The following KCNIP4 variants were observed in gnomAD, a reference collection of about 807,000 sequenced individuals.
KCNIP4 encodes Kv channel-interacting protein 4.
In KCNIP4, 12 loss-of-function variants were observed where a neutral mutation model predicts 34.0. That is an observed-to-expected ratio of 0.35 (90% CI 0.23 to 0.57). The LOEUF (loss-of-function observed/expected upper bound fraction) is 0.57. Among genes scored for constraint, KCNIP4 ranks in the 20% least tolerant of loss-of-function variants. KCNIP4 has a pLI of 0.83. For synonymous variants in KCNIP4, 124 were observed against 102.2 expected, an observed-to-expected ratio of 1.21 and a Z score of -1.29; for missense variants, 238 against 311.7, an observed-to-expected ratio of 0.76 and a Z score of 1.78.
chr4:21,654,558 G>T (rs2108976922), intron 1 of KCNIP4, among the ~76,000 whole-genome samples: 1 of 151,898 alleles, frequency 6.6e-6, no homozygotes, highest in East Asian at 1.9e-4. Flanking sequence ...AAAGGGCTGT[G>T]CCATCTTGTT....
chr4:21,449,867 C>A (rs1728367983), intron 1 of KCNIP4, among the ~76,000 whole-genome samples: 1 of 152,018 alleles, frequency 6.6e-6, no homozygotes. Flanking sequence ...GTCCATCCCT[C>A]CATCTACATT....
At position 20,791,596 on chromosome 4, in the gene KCNIP4, C is replaced by T. The variant is rs376972691; in HGVS notation, c.289-32706G>A. ...AAATATAATATCATTTAATGACAGACTGTGAAAAGTTAAAGATGTTTGCTA... is the reference window on the plus strand; with the variant it reads ...AAATATAATATCATTTAATGACAGATTGTGAAAAGTTAAAGATGTTTGCTA... On this transcript the variant is annotated intron_variant, in intron 3 of 8. Transcript: ENST00000382152. 1.3e-4 allele frequency among the ~76,000 whole-genome samples: 20 copies of T among 152,128 alleles called. No homozygotes were observed. In the East Asian group the frequency reaches 2.9e-3, roughly 22 times the overall value.
At chr4:21,511,526 T>C (rs976463354) in intron 1 of KCNIP4, among the ~76,000 whole-genome samples, 3 of 152,290 alleles carry the variant, frequency 2.0e-5, no homozygotes, top group Admixed American at 6.5e-5. Flanking sequence ...TCCATCTTTC[T>C]ATATAAAACT....
At chr4:21,327,637 C>T (rs1033128540) in intron 1 of KCNIP4, among the ~76,000 whole-genome samples, 2 of 151,982 alleles carry the variant, frequency 1.3e-5, no homozygotes, top group Admixed American at 6.6e-5. Flanking sequence ...AATTTCTACC[C>T]GTAGCTCTCT....
chr4:21,178,301 A>G (rs1022964414), intron 1 of KCNIP4, among the ~76,000 whole-genome samples: 16 of 152,172 alleles, frequency 1.1e-4, no homozygotes, highest in Non-Finnish European at 2.9e-5. Context: ...TCTTTCATCT[A>G]TTTCTCCAGT....
intron 1 of KCNIP4, among the ~76,000 whole-genome samples, chr4:21,427,653 A>G (rs1726048515): frequency 6.6e-6 from 1 of 152,140 alleles, no homozygotes; most frequent in South Asian, 2.1e-4. Flanking sequence ...TCACCTGCAG[A>G]CTCATTAAAC....
chr4:20,913,194 T>C (rs187582609), intron 1 of KCNIP4, among the ~76,000 whole-genome samples: 20 of 151,996 alleles, frequency 1.3e-4, no homozygotes, highest in Non-Finnish European at 2.8e-4. Context: ...AAAGAATGAA[T>C]AGTGATATGT....
chr4:21,283,347 TA>T (rs1010782754), intron 1 of KCNIP4, among the ~76,000 whole-genome samples: 1 of 152,052 alleles, frequency 6.6e-6, no homozygotes, highest in African/African-American at 2.4e-5. Flanking sequence ...TAAAATTATG[TA>T]AAAATTTCAG....
intron 1 of KCNIP4, among the ~76,000 whole-genome samples, chr4:21,438,926 G>A (rs1342238877): frequency 1.3e-5 from 2 of 152,138 alleles, no homozygotes; most frequent in African/African-American, 4.8e-5. Context: ...ACTTTGGGAG[G>A]CCGAGGTGGG....
rs78405344 is a variant in KCNIP4 at position 20,935,708 on chromosome 4, T to C, written c.62-52999A>G. On this transcript the variant is annotated intron_variant, in intron 1 of 8. Transcript: ENST00000382152. The stretch of plus-strand genomic sequence containing the variant: ...AAACAGAAATTCCACCCAGTTTTTC[T>C]TAGCAGATGCAACTAAAGAAGCTCT... Among the ~76,000 whole-genome samples the C allele has an allele frequency of 3.8e-3, 582 of 152,346 alleles. 2 individuals are homozygous for C. Among genetic ancestry groups the C allele is most frequent in the African/African-American group, 0.014 (567 of 41,588 alleles).
chr4:21,876,044 CCTT>C (rs1353302536), intron 1 of KCNIP4, among the ~76,000 whole-genome samples: 2 of 151,976 alleles, frequency 1.3e-5, no homozygotes, highest in African/African-American at 4.8e-5. Flanking sequence ...AAGCCTATGG[CCTT>C]CTTCTCAAAA....
At chr4:21,947,549 G>A (rs751716614) in intron 1 of KCNIP4, among the ~76,000 whole-genome samples, 4 of 152,138 alleles carry the variant, frequency 2.6e-5, no homozygotes, top group Non-Finnish European at 4.4e-5. Context: ...CCATAAATTC[G>A]AATGATTGAC....
At chr4:21,134,482 G>A (rs542594549) in intron 1 of KCNIP4, among the ~76,000 whole-genome samples, 1 of 152,240 alleles carries the variant, frequency 6.6e-6, no homozygotes, top group South Asian at 2.1e-4. Flanking sequence ...GGAATCAAAC[G>A]TTATACATGA....
chr4:21,485,431 A>G (rs1731816546), intron 1 of KCNIP4, among the ~76,000 whole-genome samples: 1 of 152,130 alleles, frequency 6.6e-6, no homozygotes, highest in Non-Finnish European at 1.5e-5. Flanking sequence ...TCCATGCCAC[A>G]GCATACATGT....
intron 1 of KCNIP4, among the ~76,000 whole-genome samples, chr4:21,234,225 C>T (rs1407211777): frequency 2.6e-5 from 1 of 39,174 alleles, no homozygotes; most frequent in Admixed American, 2.9e-4. Flanking sequence ...TTATATATAA[C>T]ATATATAACA....
At chr4:21,467,361 G>A (rs1730076961) in intron 1 of KCNIP4, among the ~76,000 whole-genome samples, 1 of 152,082 alleles carries the variant, frequency 6.6e-6, no homozygotes, top group Admixed American at 6.6e-5. Flanking sequence ...TTCCAAGTTG[G>A]AAGCGGTCTG....
chr4:21,109,407 G>C (rs4555633), intron 1 of KCNIP4, among the ~76,000 whole-genome samples: 1 of 146,694 alleles, frequency 6.8e-6, no homozygotes, highest in South Asian at 2.2e-4. Context: ...CTCTGAGCCA[G>C]GTGCGGGATA....
chr4:21,637,293 A>G (rs1746260197), intron 1 of KCNIP4, among the ~76,000 whole-genome samples: 1 of 152,164 alleles, frequency 6.6e-6, no homozygotes, highest in Non-Finnish European at 1.5e-5. Flanking sequence ...ACTTTAGGTA[A>G]ATACTTTAGT....
intron 1 of KCNIP4, among the ~76,000 whole-genome samples, chr4:21,628,876 T>A (rs1177379198): frequency 6.6e-6 from 1 of 152,240 alleles, no homozygotes; most frequent in African/African-American, 2.4e-5. Flanking sequence ...TTTATACACC[T>A]TTCCCATAAA....
Sources: allele counts gnomAD v4.1 joint callset (sites outside exome capture counted in the v4.1 genomes callset), GRCh38; gene constraint gnomAD v4.1.1; transcripts MANE v1.5; gene names NCBI Gene and HGNC (gene_info 2026-07-23, HGNC 2026-07-21).